The following JMJD1C variants were observed in gnomAD, a reference collection of about 807,000 sequenced individuals.
JMJD1C encodes jumonji domain-containing protein 1C.
JMJD1C carries 31 observed loss-of-function variants against 245.3 expected under a neutral mutation model. The observed-to-expected ratio is 0.13, with a 90% CI of 0.09 to 0.17. JMJD1C has a LOEUF of 0.17. JMJD1C is among the 10% of genes least tolerant of loss of function. The pLI is 1.00. For missense variants in JMJD1C, 2,691 were observed against 3,000.2 expected, an observed-to-expected ratio of 0.90 and a Z score of 2.41; for synonymous variants, 1,057 against 1,017.4, an observed-to-expected ratio of 1.04 and a Z score of -0.74.
chr10:63,373,806 T>C (rs1369960340), intron 2 of JMJD1C, among the ~76,000 whole-genome samples: 1 of 152,202 alleles, frequency 6.6e-6, no homozygotes, highest in Non-Finnish European at 1.5e-5. Flanking sequence ...AACTTTATAA[T>C]TGCTGTTTAT....
chr10:63,342,450 G>A (rs916219877), intron 2 of JMJD1C, among the ~76,000 whole-genome samples: 3 of 152,206 alleles, frequency 2.0e-5, no homozygotes, highest in African/African-American at 7.2e-5. Flanking sequence ...CCATCTAGCA[G>A]AATACCTCCT....
chr10:63,221,557 C>A (rs1465649508), intron 3 of JMJD1C, among the ~76,000 whole-genome samples: 3 of 152,106 alleles, frequency 2.0e-5, no homozygotes, highest in Non-Finnish European at 4.4e-5. Context: ...AAGAAATGGG[C>A]ATTAACATGT....
chr10:63,450,519 G>C (rs1951991454), intron 1 of JMJD1C, among the ~76,000 whole-genome samples: 2 of 152,110 alleles, frequency 1.3e-5, no homozygotes, highest in Admixed American at 1.3e-4. Context: ...TGCGAGGATG[G>C]TTCAACACAC....
intron 1 of JMJD1C, among the ~76,000 whole-genome samples, chr10:63,393,042 A>AG (rs1408872878): frequency 2.0e-5 from 3 of 152,084 alleles, no homozygotes; most frequent in Admixed American, 6.6e-5. Flanking sequence ...CAAGTTAGGG[A>AG]GATCACCTGC....
chr10:63,184,489 G>A (rs962925724), intron 21 of JMJD1C, 119 bp downstream of exon 21: 15 of 811,526 alleles, frequency 1.8e-5, no homozygotes, highest in Middle Eastern at 2.4e-4. Flanking sequence ...TGATTCACCC[G>A]CCTTAGCCTC....
intron 2 of JMJD1C, among the ~76,000 whole-genome samples, chr10:63,274,742 A>G (rs181792026): frequency 6.6e-6 from 1 of 152,302 alleles, no homozygotes; most frequent in Admixed American, 6.5e-5. Flanking sequence ...ACATTGTAGC[A>G]CATTCATTCA....
intron 3 of JMJD1C, among the ~76,000 whole-genome samples, chr10:63,224,345 T>C (rs746849285): frequency 6.6e-6 from 1 of 152,210 alleles, no homozygotes; most frequent in Non-Finnish European, 1.5e-5. Flanking sequence ...AAATATCTAA[T>C]TCTGATTTAT....
intron 3 of JMJD1C, among the ~76,000 whole-genome samples, chr10:63,225,914 C>T (rs533658494): frequency 1.3e-5 from 2 of 152,114 alleles, no homozygotes. Flanking sequence ...TTCATGGTTA[C>T]AAGCAGGAAG....
chr10:63,260,421 A>G (rs1188524196), intron 3 of JMJD1C, among the ~76,000 whole-genome samples: 1 of 152,170 alleles, frequency 6.6e-6, no homozygotes, highest in Non-Finnish European at 1.5e-5. Context: ...TCCATGATAA[A>G]ATGATTTCAA....
intron 16 of JMJD1C, among the ~76,000 whole-genome samples, chr10:63,191,980 T>C (rs1844864749): frequency 2.4e-5 from 1 of 40,918 alleles, no homozygotes; most frequent in Non-Finnish European, 4.3e-5. Context: ...TGAGACTCTG[T>C]CTCAAAAAAA....
rs373417419 is a variant in JMJD1C, at chr10:63,302,947, T to G, written c.334-38183A>C. On this transcript the variant is annotated intron_variant, in intron 2 of 25. Coordinates refer to ENST00000399262, the MANE Select transcript of JMJD1C (RefSeq NM_032776.3). ...TGAGACAGAGTCTTACTCTGTTGCC[T>G]ATCATAGCTCACTGTAACCTCGAAC... 7.2e-5 allele frequency among the ~76,000 whole-genome samples: 11 copies of G among 152,312 alleles called. No individual in the cohort carries two copies. In the East Asian group the frequency reaches 7.7e-4, roughly 11 times the overall value.
rs1850275880 is a variant in JMJD1C, at chr10:63,233,613, TTAAAAA to T, written c.448-13636_448-13631del. Among the ~76,000 whole-genome samples, 2 of 152,040 alleles carry T rather than the reference TTAAAAA, an allele frequency of 1.3e-5. 1 individual carries two copies. The highest frequency in any genetic ancestry group is 1.3e-4 in the Admixed American group (2 of 15,244). On this transcript the variant is annotated intron_variant, in intron 3 of 25. Transcript: ENST00000399262. ...TCTACTTAAGCAATGGGATACAGCC[TTAAAAA>T]TATTTTATCTTGGCTCAAATGATCA...
At chr10:63,225,870 T>C (rs1365829303) in intron 3 of JMJD1C, among the ~76,000 whole-genome samples, 4 of 152,012 alleles carry the variant, frequency 2.6e-5, no homozygotes, top group African/African-American at 4.8e-5. Context: ...TGTAACAACT[T>C]TGTGAGCTGA....
chr10:63,245,916 C>T (rs1038943436), intron 3 of JMJD1C, among the ~76,000 whole-genome samples: 3 of 152,150 alleles, frequency 2.0e-5, no homozygotes, highest in East Asian at 3.9e-4. Flanking sequence ...AGTTACAATT[C>T]AAGATGAGAT....
intron 2 of JMJD1C, among the ~76,000 whole-genome samples, chr10:63,351,852 C>T (rs1028325693): frequency 6.6e-6 from 1 of 152,162 alleles, no homozygotes; most frequent in Non-Finnish European, 1.5e-5. Context: ...AGTATGAATT[C>T]ATTCACATCA....
At chr10:63,376,357 T>C (rs565659115) in intron 2 of JMJD1C, among the ~76,000 whole-genome samples, 2 of 152,248 alleles carry the variant, frequency 1.3e-5, no homozygotes, top group African/African-American at 2.4e-5. Flanking sequence ...CTTCATGACA[T>C]GGATTTGGCA....
intron 1 of JMJD1C, among the ~76,000 whole-genome samples, chr10:63,502,892 G>A (rs989710227): frequency 1.3e-5 from 2 of 152,154 alleles, no homozygotes; most frequent in Non-Finnish European, 2.9e-5. Context: ...CTGCACAGCT[G>A]TAGATAACAG....
At chr10:63,220,040 C>G in intron 3 of JMJD1C, 57 bp from the exon 4 acceptor site, 1 of 1,266,506 alleles carries the variant, frequency 7.9e-7, no homozygotes, top group Non-Finnish European at 1.1e-6. Context: ...ATTAATGTTA[C>G]CGACTTTCCC....
At chr10:63,271,094 C>G (rs931939949) in intron 2 of JMJD1C, among the ~76,000 whole-genome samples, 4 of 152,060 alleles carry the variant, frequency 2.6e-5, no homozygotes, top group African/African-American at 9.7e-5. Context: ...TGGTAACATG[C>G]ACTGAAACTT....
Sources: gnomAD v4.1 joint callset for allele counts (sites outside exome capture counted in the v4.1 genomes callset) on GRCh38, gnomAD v4.1.1 for gene constraint, MANE v1.5 for transcripts, NCBI Gene and HGNC (gene_info 2026-07-23, HGNC 2026-07-21) for gene names.